Variants in CSMD2 observed in about 807,000 individuals in gnomAD.
The protein encoded by CSMD2 is CUB and Sushi multiple domains 2, also known as CUB and sushi domain-containing protein 2.
In CSMD2, 130 loss-of-function variants were observed where a neutral mutation model predicts 398.5. The ratio of observed to expected loss-of-function variants is 0.33; its 90% CI spans 0.28 to 0.38. The LOEUF is 0.38. Among genes scored for constraint, CSMD2 ranks in the 10% least tolerant of loss-of-function variants. The pLI is 1.00. For missense variants in CSMD2, 3,829 were observed against 4,764.9 expected (o/e 0.80, Z 5.78); for synonymous variants, 1,828 against 1,908.5 (o/e 0.96, Z 1.10).
chr1:33,727,495 T>C (rs1328990366), intron 15 of CSMD2, among the ~76,000 whole-genome samples: 5 of 152,172 alleles, frequency 3.3e-5, no homozygotes, highest in African/African-American at 7.2e-5. Context: ...GGGCACATGA[T>C]TGGATTTCAC....
intron 5 of CSMD2, among the ~76,000 whole-genome samples, chr1:33,889,351 G>A (rs1641825089): frequency 6.6e-6 from 1 of 152,134 alleles, no homozygotes; most frequent in Non-Finnish European, 1.5e-5. Context: ...TTGGAGGAAT[G>A]TTTTTCACCC....
chr1:33,793,186 C>T (rs532446336), intron 10 of CSMD2, among the ~76,000 whole-genome samples: 3 of 152,280 alleles, frequency 2.0e-5, no homozygotes, highest in South Asian at 2.1e-4. Context: ...GGGATGGATG[C>T]TACAGGGGGC....
At chr1:34,079,036 G>T (rs544170666) in intron 2 of CSMD2, among the ~76,000 whole-genome samples, 1 of 151,928 alleles carries the variant, frequency 6.6e-6, no homozygotes, top group Admixed American at 6.6e-5. Context: ...CTTGCCCCAC[G>T]GTCGCCAGTC....
chr1:33,842,771 T>C (rs1202621012), intron 6 of CSMD2, among the ~76,000 whole-genome samples: 2 of 152,196 alleles, frequency 1.3e-5, no homozygotes, highest in African/African-American at 4.8e-5. Context: ...TTCAATTTTC[T>C]TTTCTTCAAC....
chr1:33,612,931 C>T (rs1347465959), intron 40 of CSMD2, among the ~76,000 whole-genome samples: 1 of 152,214 alleles, frequency 6.6e-6, no homozygotes, highest in Non-Finnish European at 1.5e-5. Context: ...GGAGCCTGTG[C>T]TTTCCATTCC....
At chr1:33,786,222 C>T (rs190469831) in intron 12 of CSMD2, among the ~76,000 whole-genome samples, 32 of 152,262 alleles carry the variant, frequency 2.1e-4, no homozygotes, top group African/African-American at 6.3e-4. Flanking sequence ...TTCAAGTTCA[C>T]GCTATTTACT....
At chr1:34,001,517 GTA>G (rs1293511298) in intron 3 of CSMD2, among the ~76,000 whole-genome samples, 2 of 152,318 alleles carry the variant, frequency 1.3e-5, no homozygotes, top group Admixed American at 1.3e-4. Flanking sequence ...CTTAAGAGGT[GTA>G]TACTCATTGA....
At chr1:33,667,243 CCA>C (rs998056924) in intron 25 of CSMD2, among the ~76,000 whole-genome samples, 44 of 152,256 alleles carry the variant, frequency 2.9e-4, no homozygotes, top group African/African-American at 1.0e-3. Context: ...GAATGAAACC[CCA>C]GTCTGACACG....
chr1:33,544,167 C>T (rs1002708405), intron 57 of CSMD2, among the ~76,000 whole-genome samples: 2 of 145,288 alleles, frequency 1.4e-5, no homozygotes, highest in East Asian at 2.0e-4. Context: ...ACTGCAGTGG[C>T]GCTATCTTGG....
chr1:33,606,548 T>C (rs1484464699), intron 41 of CSMD2, among the ~76,000 whole-genome samples: 1 of 152,234 alleles, frequency 6.6e-6, no homozygotes, highest in African/African-American at 2.4e-5. Context: ...GGGTGGCTGC[T>C]TAGCCCCAGG....
chr1:34,164,911 C>A lies in CSMD2; in HGVS notation c.187G>T (p.Gly63Cys). The A allele has an allele frequency of 8.2e-7, 1 of 1,219,384 alleles. No individual in the cohort carries two copies. Among genetic ancestry groups the A allele is most frequent in the Non-Finnish European group, 1.0e-6 (1 of 980,046 alleles). 75.5% of individuals were successfully genotyped at this position (1,219,384 alleles called of 1,614,324 possible). Residue 63 changes from glycine to cysteine, a missense_variant and splice_region_variant, in exon 1 of 71, where the codon GGC (glycine) becomes TGC (cysteine). Transcript: ENST00000373381. The surrounding 1 kb of genome is among the most constrained non-coding windows in gnomAD (Gnocchi z 6.2). ...CGLLSVSAAA[G>C]QNCTFQLHGP... ...GGCTCCTCGGCGCGGCTGGACTCAC[C>A]CGCGGCGGCCGAGACGCTGAGCAAC...
chr1:33,919,243 G>A (rs1308611315), intron 4 of CSMD2, among the ~76,000 whole-genome samples: 4 of 152,194 alleles, frequency 2.6e-5, no homozygotes, highest in Admixed American at 6.5e-5. Flanking sequence ...TAAGCATCTG[G>A]ATGGATGAAA....
intron 2 of CSMD2, among the ~76,000 whole-genome samples, chr1:34,088,676 G>C (rs1163077518): frequency 1.3e-5 from 2 of 152,192 alleles, no homozygotes; most frequent in African/African-American, 4.8e-5. Flanking sequence ...ATATTTCTGT[G>C]TGTACAAATA....
chr1:33,789,174 A>C (rs976556961), intron 11 of CSMD2, among the ~76,000 whole-genome samples: 5 of 152,150 alleles, frequency 3.3e-5, no homozygotes, highest in African/African-American at 4.8e-5. Context: ...GTTGGAACCC[A>C]AGCCATTCTT....
chr1:33,839,111 G>A (rs1470768517), intron 6 of CSMD2: 2 of 152,212 alleles, frequency 1.3e-5, no homozygotes, highest in Non-Finnish European at 2.9e-5. Context: ...CACAGTAAAG[G>A]ACAGAAAAAT....
chr1:33,772,550 C>T lies in CSMD2; in HGVS notation c.1846+19G>A. The T allele has an allele frequency of 2.5e-6, 4 of 1,603,868 alleles. No homozygotes were observed. The highest frequency in any genetic ancestry group is 3.4e-6 in the Non-Finnish European group (4 of 1,172,598). On this transcript the variant is annotated intron_variant, in intron 13 of 70. Coordinates refer to ENST00000373381, the MANE Select transcript of CSMD2 (RefSeq NM_001281956.2). ...CTCTCAGTGAAGACCCTGGCGTGGC[C>T]TCCTCCCTGCTCACTTACACACGCA... is the stretch of plus-strand genomic sequence containing the variant.
intron 48 of CSMD2, among the ~76,000 whole-genome samples, chr1:33,579,445 C>G (rs1172482209): frequency 1.3e-5 from 2 of 152,058 alleles, no homozygotes; most frequent in Non-Finnish European, 2.9e-5. Flanking sequence ...GTTGGATGGA[C>G]TTTGCAGAGG....
rs1193551234 is a variant in CSMD2 at position 33,592,455 on chromosome 1, G to C, written c.6857-5287C>G. 3 of 716,710 alleles carry C rather than the reference G, an allele frequency of 4.2e-6. No homozygotes were observed. In the African/African-American group the frequency reaches 5.2e-5, roughly 13 times the overall value. The allele number at this position is 716,710 out of a possible 1,614,324, so 44.4% of individuals were successfully genotyped here. The stretch of plus-strand genomic sequence containing the variant: ...GCTGGGGGGCAGATGTGTGCGTGGA[G>C]GGGTGTCACAATGTACAAACAGCTG... On this transcript the variant is annotated intron_variant, in intron 44 of 70. Transcript: ENST00000373381.
intron 1 of CSMD2, among the ~76,000 whole-genome samples, chr1:34,161,700 A>T (rs958034766): frequency 6.6e-6 from 1 of 152,188 alleles, no homozygotes; most frequent in African/African-American, 2.4e-5. Flanking sequence ...ACAGAGGTTG[A>T]AGTAAGGAGT....
Sources: allele counts gnomAD v4.1 joint callset (sites outside exome capture counted in the v4.1 genomes callset), GRCh38; gene constraint gnomAD v4.1.1; non-coding constraint Gnocchi (gnomAD v3.1); transcripts MANE v1.5; gene names NCBI Gene and HGNC (gene_info 2026-07-23, HGNC 2026-07-21).